PPFIBP1: variants seen among roughly 807,000 people sequenced by gnomAD.
PPFIBP1 encodes PPFIB scaffold protein 1, also known as liprin-beta-1.
A neutral mutation model predicts 137.8 loss-of-function variants in PPFIBP1; 112 were observed. The ratio of observed to expected loss-of-function variants is 0.81; its 90% CI spans 0.70 to 0.95. PPFIBP1 has a LOEUF of 0.95. Ranked by LOEUF, PPFIBP1 falls within the 40% of genes least tolerant of loss-of-function variation. The pLI is 0.00. For missense variants in PPFIBP1, 1,083 were observed against 1,196.6 expected (o/e 0.91, Z 1.40); for synonymous variants, 378 against 417.3 (o/e 0.91, Z 1.15).
intron 1 of PPFIBP1, among the ~76,000 whole-genome samples, chr12:27,534,518 T>C (rs1944770435): frequency 6.6e-6 from 1 of 151,886 alleles, no homozygotes; most frequent in Non-Finnish European, 1.5e-5. Context: ...AGAATGTGTC[T>C]CGAGGCAGGA....
chr12:27,543,455 A>G lies in PPFIBP1; in HGVS notation c.-124+19090A>G, dbSNP rs1945878129. Among the ~76,000 whole-genome samples, 3 of 152,200 alleles carry G rather than the reference A, an allele frequency of 2.0e-5. No homozygotes were observed. The South Asian group carries it at 6.2e-4, about 31-fold the overall frequency. ...AATGTAAGTGGGGCTTTATTGGGTTAAGGGTTAACATTCTTACATCTGTTC... is the reference window on the plus strand; with the variant it reads ...AATGTAAGTGGGGCTTTATTGGGTTGAGGGTTAACATTCTTACATCTGTTC... On this transcript the variant is annotated intron_variant, in intron 1 of 29. Transcript: ENST00000228425.
At chr12:27,674,047 C>A in intron 16 of PPFIBP1, 145 bp from the exon 17 acceptor site, 1 of 833,862 alleles carries the variant, frequency 1.2e-6, no homozygotes, top group Non-Finnish European at 1.9e-6. Context: ...TTTAATAAAA[C>A]ATTTTGGAAA....
intron 1 of PPFIBP1, among the ~76,000 whole-genome samples, chr12:27,576,104 G>C (rs1677103805): frequency 1.3e-5 from 2 of 152,100 alleles, no homozygotes; most frequent in Admixed American, 1.3e-4. Context: ...AGCACATTCA[G>C]GCAATACTTA....
At chr12:27,676,762 T>TTTAG (rs1277620541) in intron 18 of PPFIBP1, 163 bp downstream of exon 18, 5 of 731,290 alleles carry the variant, frequency 6.8e-6, no homozygotes, top group African/African-American at 1.8e-5. Flanking sequence ...GTGGATTTAA[T>TTTAG]TTAGTGTTGT....
intron 4 of PPFIBP1, among the ~76,000 whole-genome samples, chr12:27,645,536 A>G (rs2058412979): frequency 6.6e-6 from 1 of 152,222 alleles, no homozygotes; most frequent in Non-Finnish European, 1.5e-5. Flanking sequence ...GAGGTTACCA[A>G]ACGAATTATA....
chr12:27,668,068 T>C (rs1428002775), intron 13 of PPFIBP1, among the ~76,000 whole-genome samples: 1 of 152,134 alleles, frequency 6.6e-6, no homozygotes, highest in Non-Finnish European at 1.5e-5. Flanking sequence ...ATGGGAAATA[T>C]TGGTGCAACC....
At chr12:27,573,080 AG>A (rs1441853791) in intron 1 of PPFIBP1, among the ~76,000 whole-genome samples, 2 of 152,202 alleles carry the variant, frequency 1.3e-5, no homozygotes, top group Non-Finnish European at 2.9e-5. Context: ...ACACAGCCCA[AG>A]CTTGTGATTT....
chr12:27,565,644 G>T (rs2049581829), intron 1 of PPFIBP1, among the ~76,000 whole-genome samples: 1 of 152,078 alleles, frequency 6.6e-6, no homozygotes, highest in Non-Finnish European at 1.5e-5. Flanking sequence ...TCCTCCTTCT[G>T]TGCTACTCCC....
At chr12:27,670,774 G>A (rs972412141) in intron 13 of PPFIBP1, among the ~76,000 whole-genome samples, 215 of 14,306 alleles carry the variant, frequency 0.015, 1 homozygote, top group African/African-American at 0.032. Flanking sequence ...GTGAGACCCT[G>A]TCTCAAAAAA....
chr12:27,665,503 T>C (rs189865384), intron 12 of PPFIBP1, among the ~76,000 whole-genome samples: 4 of 152,276 alleles, frequency 2.6e-5, no homozygotes, highest in Admixed American at 2.6e-4. Context: ...GAGTTCAGCT[T>C]TGAACATGGT....
chr12:27,682,431 A>G lies in PPFIBP1; in HGVS notation c.2091A>G (p.Leu697=). Residue 697 remains leucine (L), a synonymous_variant, in exon 23 of 30, where the codon CTA becomes CTG. Transcript: ENST00000228425. The stretch of plus-strand genomic sequence containing the variant: ...CACTTCATCGAAAGAAACTCCAGCT[A>G]GCACTCCAAGCCCTGGGATCTGAAG... ...KHSLHRKKLQ[L]ALQALGSEEE... 6.2e-7 allele frequency: 1 copy of G among 1,614,084 alleles called. No individual in the cohort carries two copies. The highest frequency in any genetic ancestry group is 2.2e-5 in the East Asian group (1 of 44,878).
intron 1 of PPFIBP1, among the ~76,000 whole-genome samples, chr12:27,533,871 G>A (rs1944666528): frequency 6.6e-6 from 1 of 152,170 alleles, no homozygotes. Context: ...GGATGATGGT[G>A]GCCAAGGGAA....
chr12:27,634,800 G>A (rs1335158761), intron 3 of PPFIBP1, 110 bp from the exon 4 acceptor site: 1 of 907,626 alleles, frequency 1.1e-6, no homozygotes, highest in East Asian at 2.4e-5. Flanking sequence ...TCTTTTTTCT[G>A]TTTCTTTTGA....
intron 1 of PPFIBP1, chr12:27,552,776 T>A (rs187949341): frequency 6.6e-6 from 1 of 152,162 alleles, no homozygotes; most frequent in African/African-American, 2.4e-5. Context: ...GAGATTGCGT[T>A]CGATTCTGAA....
intron 1 of PPFIBP1, among the ~76,000 whole-genome samples, chr12:27,564,470 ATTG>A (rs2049467043): frequency 1.3e-5 from 2 of 152,028 alleles, no homozygotes; most frequent in South Asian, 4.1e-4. Context: ...CACTGTTGTC[ATTG>A]TTGTTGTTTA....
chr12:27,579,217 C>G (rs1291732726), intron 2 of PPFIBP1, among the ~76,000 whole-genome samples: 1 of 152,220 alleles, frequency 6.6e-6, no homozygotes, highest in Non-Finnish European at 1.5e-5. Flanking sequence ...CATGAGCTAT[C>G]TAAGGTCCAT....
At chr12:27,560,241 A>C (rs12302423) in intron 1 of PPFIBP1, among the ~76,000 whole-genome samples, 54,970 of 151,960 alleles carry the variant, frequency 0.36, 10,610 homozygotes, top group African/African-American at 0.49. Context: ...ATCCTGACTA[A>C]AAATTTGGGA....
intron 4 of PPFIBP1, among the ~76,000 whole-genome samples, chr12:27,643,484 A>G (rs537852622): frequency 7.4e-6 from 1 of 135,060 alleles, no homozygotes; most frequent in Non-Finnish European, 1.6e-5. Context: ...GCAAACAGTG[A>G]ATTCAAGGAA....
chr12:27,688,485 T>C, intron 26 of PPFIBP1, 62 bp downstream of exon 26: 1 of 1,570,248 alleles, frequency 6.4e-7, no homozygotes. Context: ...GTCAGTAGGA[T>C]ATTATCAATT....
Sources: gnomAD v4.1 joint callset for allele counts (sites outside exome capture counted in the v4.1 genomes callset) on GRCh38, gnomAD v4.1.1 for gene constraint, MANE v1.5 for transcripts, NCBI Gene and HGNC (gene_info 2026-07-23, HGNC 2026-07-21) for gene names.